APBB2: variants seen among roughly 807,000 people sequenced by gnomAD.
APBB2 encodes the protein Fe65-like 1.
In APBB2, 38 loss-of-function variants were observed where a neutral mutation model predicts 82.5. That is an observed-to-expected ratio of 0.46 (90% CI 0.36 to 0.60). The LOEUF (loss-of-function observed/expected upper bound fraction) is 0.60. APBB2 is among the 20% of genes least tolerant of loss of function. The pLI, the probability that APBB2 is intolerant of heterozygous loss-of-function variation, is 0.00. For synonymous variants in APBB2, 341 were observed against 368.2 expected (o/e 0.93, Z 0.85); for missense variants, 772 against 972.3 (o/e 0.79, Z 2.74).
At chr4:41,037,232 T>C (rs1719568568) in intron 4 of APBB2, among the ~76,000 whole-genome samples, 1 of 152,224 alleles carries the variant, frequency 6.6e-6, no homozygotes. Flanking sequence ...CCAATGAATA[T>C]TGCATCCAAG....
At position 41,150,866 on chromosome 4, in the gene APBB2, G is replaced by A. The variant is rs556815969; in HGVS notation, c.-416-7724C>T. ...AGCGATTCTCCTGCCTCAGCCTCCC[G>A]AGTAGCTGGGATACAGACAACCACC... On this transcript the variant is annotated intron_variant, in intron 1 of 17. Coordinates refer to ENST00000508593, the MANE Select transcript of APBB2 (RefSeq NM_004307.2). Among the ~76,000 whole-genome samples, 87 of 152,174 alleles carry A rather than the reference G, an allele frequency of 5.7e-4. 1 individual carries two copies. Among genetic ancestry groups the A allele is most frequent in the African/African-American group, 2.0e-3 (84 of 41,530 alleles).
chr4:40,839,407 G>T (rs186207001), intron 12 of APBB2, among the ~76,000 whole-genome samples: 4 of 152,040 alleles, frequency 2.6e-5, no homozygotes, highest in Non-Finnish European at 5.9e-5. Context: ...TCTGTTAAGA[G>T]TCACATTACA....
chr4:41,005,153 C>G (rs62412097), intron 6 of APBB2, among the ~76,000 whole-genome samples: 6,986 of 152,110 alleles, frequency 0.046, 340 homozygotes, highest in African/African-American at 0.13. Context: ...ATGCAGTGGG[C>G]CAATCTCAGC....
chr4:41,016,588 T>A (rs1420087137), intron 5 of APBB2, among the ~76,000 whole-genome samples: 1 of 151,782 alleles, frequency 6.6e-6, no homozygotes, highest in Non-Finnish European at 1.5e-5. Context: ...GAGGTAGAGG[T>A]TGCAGTGAGA....
At chr4:41,167,388 C>T (rs1766952345) in intron 1 of APBB2, among the ~76,000 whole-genome samples, 1 of 152,150 alleles carries the variant, frequency 6.6e-6, no homozygotes, top group Non-Finnish European at 1.5e-5. Context: ...TTTGTGGTGA[C>T]CAGGCTCAAC....
chr4:40,826,061 A>G lies in APBB2; in HGVS notation c.1733-91T>C. The G allele has an allele frequency of 1.1e-6, 1 of 945,186 alleles. No individual in the cohort carries two copies. Among genetic ancestry groups the G allele is most frequent in the Non-Finnish European group, 1.7e-6 (1 of 571,738 alleles). 58.5% of individuals were successfully genotyped at this position (945,186 alleles called of 1,614,324 possible). A position where few individuals can be genotyped will look rare whatever the true frequency, so the allele number is the denominator to read the frequency against. On this transcript the variant is annotated intron_variant, in intron 14 of 17. Transcript: ENST00000508593. The surrounding 1 kb of genome is among the most constrained non-coding windows in gnomAD (Gnocchi z 4.5). ...GCTCTGCATCATCTGAATGCTCAGG[A>G]CACGCCCTGTGCCATAACGCCCTAT... is the stretch of plus-strand genomic sequence containing the variant.
chr4:41,182,057 G>A (rs1044826627), intron 1 of APBB2, among the ~76,000 whole-genome samples: 5 of 152,050 alleles, frequency 3.3e-5, no homozygotes, highest in African/African-American at 7.2e-5. Context: ...AAAAGGAGGC[G>A]TGAGAAGTAC....
intron 1 of APBB2, among the ~76,000 whole-genome samples, chr4:41,162,331 C>T (rs755720470): frequency 5.9e-5 from 9 of 151,668 alleles, no homozygotes; most frequent in Non-Finnish European, 1.2e-4. Flanking sequence ...TCCTATTCAT[C>T]TCTCTGTCTC....
At chr4:41,192,206 T>C (rs1412071207) in intron 1 of APBB2, among the ~76,000 whole-genome samples, 1 of 152,198 alleles carries the variant, frequency 6.6e-6, no homozygotes, top group Non-Finnish European at 1.5e-5. Flanking sequence ...TAGACTGGTG[T>C]AGTCATTATG....
At chr4:40,983,856 C>T (rs1266178673) in intron 6 of APBB2, among the ~76,000 whole-genome samples, 1 of 152,178 alleles carries the variant, frequency 6.6e-6, no homozygotes, top group East Asian at 1.9e-4. Flanking sequence ...GGGATACAGG[C>T]GTGAGCCATT....
At chr4:40,962,877 A>T (rs1357182155) in intron 6 of APBB2, among the ~76,000 whole-genome samples, 1 of 152,200 alleles carries the variant, frequency 6.6e-6, no homozygotes, top group African/African-American at 2.4e-5. Flanking sequence ...TCACCCACAA[A>T]TGTACCAGTT....
chr4:41,214,082 A>C (rs967713569), intron 1 of APBB2, among the ~76,000 whole-genome samples: 3 of 152,314 alleles, frequency 2.0e-5, no homozygotes, highest in African/African-American at 7.2e-5. Context: ...TGAGGGAAAG[A>C]GGGCGCCGGG....
At chr4:41,007,133 T>C (rs553039074) in intron 6 of APBB2, among the ~76,000 whole-genome samples, 2 of 152,226 alleles carry the variant, frequency 1.3e-5, no homozygotes, top group African/African-American at 4.8e-5. Context: ...AATTTATGTG[T>C]TGATTGGAAG....
intron 6 of APBB2, among the ~76,000 whole-genome samples, chr4:40,961,536 C>CTAATGCTAGA (rs1484315363): frequency 6.7e-6 from 1 of 149,770 alleles, no homozygotes; most frequent in Non-Finnish European, 1.5e-5. Context: ...GGAGATATAC[C>CTAATGCTAGA]TAATGCTAGA....
At chr4:40,977,392 A>C (rs1797443793) in intron 6 of APBB2, among the ~76,000 whole-genome samples, 1 of 151,530 alleles carries the variant, frequency 6.6e-6, no homozygotes, top group African/African-American at 2.4e-5. Context: ...AGCTCACTGC[A>C]ATCTCCAACT....
intron 1 of APBB2, among the ~76,000 whole-genome samples, chr4:41,200,790 A>G (rs914723690): frequency 2.6e-5 from 4 of 152,142 alleles, no homozygotes; most frequent in African/African-American, 9.7e-5. Flanking sequence ...CTTGGTCCTT[A>G]GACCTCTCTA....
chr4:41,037,919 C>T lies in APBB2; in HGVS notation c.-50-4615G>A, dbSNP rs536574067. Among the ~76,000 whole-genome samples the T allele has an allele frequency of 6.6e-5, 10 of 152,106 alleles. No individual in the cohort carries two copies. In the South Asian group the frequency reaches 1.5e-3, roughly 22 times the overall value. On this transcript the variant is annotated intron_variant, in intron 4 of 17. Transcript: ENST00000508593. Reference sequence around the variant, plus strand: ...TTTTGTCAGCATTGAGAGGAGAGTCCTTGTTTCCATAAAAATGACATACGG... The same window carrying T: ...TTTTGTCAGCATTGAGAGGAGAGTCTTTGTTTCCATAAAAATGACATACGG...
intron 1 of APBB2, among the ~76,000 whole-genome samples, chr4:41,169,271 G>T (rs1375767621): frequency 6.6e-6 from 1 of 151,594 alleles, no homozygotes; most frequent in Non-Finnish European, 1.5e-5. Context: ...TAAGGAAGAG[G>T]TCAGAGAGGG....
At chr4:41,193,452 A>C (rs971234189) in intron 1 of APBB2, 19 of 367,958 alleles carry the variant, frequency 5.2e-5, no homozygotes, top group African/African-American at 3.5e-4. Flanking sequence ...AGCTGGTGAC[A>C]AAGCTAGGAT....
Sources: gnomAD v4.1 joint callset for allele counts (sites outside exome capture counted in the v4.1 genomes callset) on GRCh38, gnomAD v4.1.1 for gene constraint, Gnocchi (gnomAD v3.1) non-coding constraint, MANE v1.5 for transcripts, NCBI Gene and HGNC (gene_info 2026-07-23, HGNC 2026-07-21) for gene names.